Variants in DRC11L observed in about 807,000 individuals in gnomAD.
DRC11L encodes the protein dynein regulatory complex subunit 11 like, also known as dynein regulatory complex subunit like-11.
chr7:151,192,262 T>C, the DRC11L span: 1 of 398,774 alleles, frequency 2.5e-6, no homozygotes, highest in African/African-American at 2.1e-5. Context: ...CGTCCCCACA[T>C]CCCCAGGCCT....
At chr7:151,192,664 T>C in the DRC11L span, 1 of 399,062 alleles carries the variant, frequency 2.5e-6, no homozygotes, top group Non-Finnish European at 4.4e-6. Flanking sequence ...TTGGAGCGAC[T>C]GGAACAAGCC....
At chr7:151,200,230 CCTT>C in the DRC11L span, among the ~76,000 whole-genome samples, 13 of 152,166 alleles carry the variant, frequency 8.5e-5, no homozygotes, top group African/African-American at 3.1e-4. Flanking sequence ...GCTTTTCTGT[CCTT>C]CTGCCTCTTT....
the DRC11L span, chr7:151,195,714 G>C: frequency 2.5e-6 from 1 of 399,526 alleles, no homozygotes; most frequent in Non-Finnish European, 4.4e-6. Context: ...GGACAGGTGG[G>C]AGAGGAGCAG....
the DRC11L span, chr7:151,202,932 T>C: frequency 2.5e-6 from 1 of 399,902 alleles, no homozygotes. Flanking sequence ...TGACAGCTGC[T>C]TGGCCCTGAC....
At chr7:151,204,254 G>A in the DRC11L span, among the ~76,000 whole-genome samples, 2 of 152,174 alleles carry the variant, frequency 1.3e-5, no homozygotes, top group Non-Finnish European at 2.9e-5. Context: ...CAAGGTTCCT[G>A]AAGCCCTTCC....
At chr7:151,200,692 C>T in the DRC11L span, among the ~76,000 whole-genome samples, 1 of 152,136 alleles carries the variant, frequency 6.6e-6, no homozygotes, top group African/African-American at 2.4e-5. Context: ...TTTCTTCCTT[C>T]CCCTCGCCAC....
the DRC11L span, chr7:151,193,335 G>A: frequency 2.5e-6 from 1 of 399,728 alleles, no homozygotes; most frequent in Non-Finnish European, 4.4e-6. Flanking sequence ...TTCCTGCCAG[G>A]ATATTTGCCC....
the DRC11L span, chr7:151,204,700 A>G: frequency 5.0e-6 from 2 of 398,898 alleles, no homozygotes; most frequent in African/African-American, 4.1e-5. Context: ...AGCCCCAGGT[A>G]GTGCAGGTAG....
chr7:151,204,474 G>A, the DRC11L span: 3 of 398,918 alleles, frequency 7.5e-6, no homozygotes, highest in Non-Finnish European at 1.3e-5. Flanking sequence ...CCGCTAGCTG[G>A]CTGGGGGCGT....
the DRC11L span, chr7:151,191,718 G>A: frequency 6.4e-4 from 254 of 399,286 alleles, 2 homozygotes; most frequent in Admixed American, 9.7e-3. Flanking sequence ...ACCAGGGGCC[G>A]CTTGGACAGT....
chr7:151,196,322 G>A, the DRC11L span: 1 of 397,702 alleles, frequency 2.5e-6, no homozygotes, highest in Non-Finnish European at 4.4e-6. Context: ...ACTGGGGTTG[G>A]GTGTTCAGGA....
At chr7:151,204,284 C>G in the DRC11L span, among the ~76,000 whole-genome samples, 1 of 152,216 alleles carries the variant, frequency 6.6e-6, no homozygotes, top group African/African-American at 2.4e-5. Context: ...AAACCCCATC[C>G]TCTGATCTTC....
At chr7:151,203,579 T>C in the DRC11L span, 1 of 398,254 alleles carries the variant, frequency 2.5e-6, no homozygotes, top group Non-Finnish European at 4.4e-6. Context: ...GCCGATCCGT[T>C]ACCATTTTTA....
the DRC11L span, among the ~76,000 whole-genome samples, chr7:151,205,243 G>A: frequency 1.3e-5 from 2 of 151,970 alleles, no homozygotes; most frequent in Admixed American, 6.6e-5. Flanking sequence ...TGTGGAGGAG[G>A]GACCCTTCCC....
At chr7:151,192,822 C>A in the DRC11L span, 1 of 399,066 alleles carries the variant, frequency 2.5e-6, no homozygotes, top group Admixed American at 4.4e-5. Flanking sequence ...CTGTAGGAGT[C>A]GGGCTACCTG....
chr7:151,197,676 A>G, the DRC11L span: 1 of 391,870 alleles, frequency 2.6e-6, no homozygotes, highest in Non-Finnish European at 4.5e-6. Context: ...CCTCTTCCCC[A>G]TGCCGTCTTT....
chr7:151,191,136 C>A, the DRC11L span: 1 of 399,740 alleles, frequency 2.5e-6, no homozygotes, highest in Non-Finnish European at 4.4e-6. Flanking sequence ...CCATCCTGAC[C>A]TCACCCCTCC....
the DRC11L span, among the ~76,000 whole-genome samples, chr7:151,192,111 C>T: frequency 3.9e-5 from 6 of 152,206 alleles, no homozygotes; most frequent in African/African-American, 7.2e-5. Flanking sequence ...CACCTGCTCG[C>T]GTCCACAGAG....
chr7:151,204,159 G>A, the DRC11L span, among the ~76,000 whole-genome samples: 21 of 152,086 alleles, frequency 1.4e-4, no homozygotes, highest in African/African-American at 5.1e-4. Flanking sequence ...AATTCCCTGC[G>A]GTTCGTGGGT....
Sources: allele counts gnomAD v4.1 joint callset (sites outside exome capture counted in the v4.1 genomes callset), GRCh38; gene constraint gnomAD v4.1.1; transcripts MANE v1.5; gene names NCBI Gene and HGNC (gene_info 2026-07-23, HGNC 2026-07-21).